Variants in KIAA1614 observed in about 807,000 individuals in gnomAD.
The protein encoded by KIAA1614 is KIAA1614.
A neutral mutation model predicts 88.7 loss-of-function variants in KIAA1614; 76 were observed. That is an observed-to-expected ratio of 0.86 (90% CI 0.71 to 1.04). The LOEUF (loss-of-function observed/expected upper bound fraction) is 1.04. Among genes scored for constraint, KIAA1614 ranks in the 50% least tolerant of loss-of-function variants. The pLI is 0.00. For missense variants in KIAA1614, 1,553 were observed against 1,582.5 expected (o/e 0.98, Z 0.32); for synonymous variants, 714 against 675.5 (o/e 1.06, Z -0.88).
At chr1:180,940,622 T>C (rs1402566628) in intron 6 of KIAA1614, among the ~76,000 whole-genome samples, 1 of 152,004 alleles carries the variant, frequency 6.6e-6, no homozygotes, top group African/African-American at 2.4e-5. Flanking sequence ...TCTGGCAGTC[T>C]TTTTTTTCTT....
chr1:180,938,467 TC>T, intron 5 of KIAA1614, 87 bp from the exon 6 acceptor site: 2 of 1,418,546 alleles, frequency 1.4e-6, no homozygotes, highest in South Asian at 2.6e-5. Context: ...CTTCTCACCC[TC>T]CCCCTGTTGC....
intron 7 of KIAA1614, 25 bp from the exon 8 acceptor site, chr1:180,944,364 C>T (rs759079672): frequency 2.9e-5 from 46 of 1,608,910 alleles, no homozygotes; most frequent in Non-Finnish European, 3.5e-5. Flanking sequence ...TTTTCTCACC[C>T]GCAATATTGT....
In KIAA1614 at chr1:180,935,997, G is replaced by A. The variant is rs376112299; in HGVS notation, c.2088G>A (p.Thr696=). 11 of 1,613,982 alleles carry A rather than the reference G, an allele frequency of 6.8e-6. No individual in the cohort carries two copies. Among genetic ancestry groups the A allele is most frequent in the Admixed American group, 5.0e-5 (3 of 60,016 alleles). The change falls in exon 5 of 9, where the codon ACG becomes ACA. Residue 696 remains threonine, a synonymous_variant. Transcript: ENST00000367588. The surrounding 1 kb of genome is among the most constrained non-coding windows in gnomAD (Gnocchi z 6.1). ...ENEVKEGRGH[T]PEGTLFLRED... ...AGGTGAAAGAGGGCAGAGGACACAC[G>A]CCTGAAGGAACTCTATTTTTGAGAG...
intron 3 of KIAA1614, among the ~76,000 whole-genome samples, chr1:180,926,996 T>C (rs1654084052): frequency 1.3e-5 from 2 of 151,942 alleles, no homozygotes; most frequent in Admixed American, 6.5e-5. Context: ...CTCCTCCTGC[T>C]CCCCAGCAGC....
intron 3 of KIAA1614, among the ~76,000 whole-genome samples, chr1:180,921,220 G>GA (rs368957229): frequency 6.8e-4 from 104 of 151,866 alleles, no homozygotes; most frequent in African/African-American, 2.3e-3. Flanking sequence ...GGCAGGGGCG[G>GA]GGGGTCACAA....
intron 4 of KIAA1614, among the ~76,000 whole-genome samples, chr1:180,932,589 C>T (rs919989999): frequency 2.0e-5 from 3 of 152,124 alleles, no homozygotes; most frequent in African/African-American, 7.2e-5. Context: ...AATGTGAGTT[C>T]CAGAAAACAG....
At chr1:180,929,943 T>A (rs1654156399) in intron 4 of KIAA1614, among the ~76,000 whole-genome samples, 1 of 152,148 alleles carries the variant, frequency 6.6e-6, no homozygotes, top group Non-Finnish European at 1.5e-5. Context: ...GAACTGCTCA[T>A]TAAAGGCTAA....
At chr1:180,944,261 G>T in intron 7 of KIAA1614, 128 bp from the exon 8 acceptor site, 1 of 904,550 alleles carries the variant, frequency 1.1e-6, no homozygotes, top group East Asian at 2.7e-5. Flanking sequence ...TTGAATTCTT[G>T]GAAGCAATGA....
chr1:180,938,250 A>C (rs963647063), intron 5 of KIAA1614, among the ~76,000 whole-genome samples: 1 of 152,220 alleles, frequency 6.6e-6, no homozygotes, highest in Admixed American at 6.5e-5. Flanking sequence ...TTTAACAAAC[A>C]GTGATCATCT....
rs754563420 is a variant in KIAA1614 at position 180,935,232 on chromosome 1, G to A, written c.1323G>A (p.Pro441=). ...GAGAGTCCAGCGGTGGGCACAGGCC[G>A]AGGCGGGGCCCCTCGCCGTCGCACG... ...SSGESSGGHR[P]RRGPSPSHVR... The change falls in exon 5 of 9, where the codon CCG becomes CCA. Residue 441 remains proline, a synonymous_variant. Transcript: ENST00000367588. The surrounding 1 kb of genome is among the most constrained non-coding windows in gnomAD (Gnocchi z 6.1). 1.2e-5 allele frequency: 18 copies of A among 1,533,794 alleles called. No individual in the cohort carries two copies. The African/African-American group carries it at 1.3e-4, about 11-fold the overall frequency.
rs750064062 is a variant in KIAA1614 at position 180,936,165 on chromosome 1, C to T, written c.2256C>T (p.Pro752=). 1 of 1,614,184 alleles carries T rather than the reference C, an allele frequency of 6.2e-7. No homozygotes were observed. The change falls in exon 5 of 9, where the codon CCC becomes CCT. Residue 752 remains proline (P), a synonymous_variant. Coordinates refer to ENST00000367588, the MANE Select transcript of KIAA1614 (RefSeq NM_020950.2). The part of the protein sequence containing the change: ...PCRTAYATTA[P]MTPESSGPGG... ...GGACAGCCTATGCCACCACCGCCCC[C>T]ATGACGCCTGAATCATCGGGGCCAG...
chr1:180,939,378 C>G (rs1238862594), intron 6 of KIAA1614, among the ~76,000 whole-genome samples: 1 of 152,194 alleles, frequency 6.6e-6, no homozygotes, highest in Admixed American at 6.5e-5. Context: ...GTCTGATGGG[C>G]CTCTCAAACA....
rs1195538716 is a variant in KIAA1614 at position 180,941,291 on chromosome 1, T to C, written c.3159+6T>C. ...CGTTACAATCCCTGCACCCGGTGAG[T>C]CCAGGGGCCCCAGCCCAGGGAGTGA... On this transcript the variant is annotated splice_donor_region_variant and intron_variant, in intron 7 of 8. Coordinates refer to ENST00000367588, the MANE Select transcript of KIAA1614 (RefSeq NM_020950.2). The C allele has an allele frequency of 1.9e-6, 3 of 1,598,122 alleles. No individual in the cohort carries two copies. The highest frequency in any genetic ancestry group is 2.6e-6 in the Non-Finnish European group (3 of 1,169,226).
chr1:180,930,279 C>T lies in KIAA1614; in HGVS notation c.1205+1706C>T, dbSNP rs868788634. Among the ~76,000 whole-genome samples, 12 of 152,140 alleles carry T rather than the reference C, an allele frequency of 7.9e-5. No individual in the cohort carries two copies. In the Middle Eastern group the frequency reaches 0.01, roughly 129 times the overall value. On this transcript the variant is annotated intron_variant, in intron 4 of 8. Coordinates refer to ENST00000367588, the MANE Select transcript of KIAA1614 (RefSeq NM_020950.2). ...CTAAAGATACAAAAAATTAGCTGGG[C>T]GTGGTGGCGGGCACCTGTAGTCCCA...
At chr1:180,928,168 C>G (rs1230844458) in intron 3 of KIAA1614, 1 of 389,282 alleles carries the variant, frequency 2.6e-6, no homozygotes, top group African/African-American at 2.1e-5. Flanking sequence ...AGGTCTCTGC[C>G]TCCAGTGCCT....
At chr1:180,915,393 G>T (rs950554832) in intron 1 of KIAA1614, among the ~76,000 whole-genome samples, 1 of 152,168 alleles carries the variant, frequency 6.6e-6, no homozygotes, top group African/African-American at 2.4e-5. Flanking sequence ...GTTAGCAGAT[G>T]CGGGCATCCT....
chr1:180,937,171 G>A (rs1400090574), intron 5 of KIAA1614, among the ~76,000 whole-genome samples: 1 of 152,222 alleles, frequency 6.6e-6, no homozygotes, highest in Non-Finnish European at 1.5e-5. Flanking sequence ...CATTCCTTCC[G>A]CATTGGCTGA....
intron 6 of KIAA1614, 151 bp downstream of exon 6, chr1:180,938,862 T>A: frequency 1.5e-6 from 1 of 658,036 alleles, no homozygotes; most frequent in Admixed American, 2.9e-5. Context: ...CTGGCAGCCC[T>A]CCCACTCCTC....
chr1:180,950,604 C>T lies in KIAA1614; in HGVS notation c.*5016C>T, dbSNP rs919810833. The T allele has an allele frequency of 4.6e-6, 4 of 874,964 alleles. No homozygotes were observed. The highest frequency in any genetic ancestry group is 5.7e-6 in the Non-Finnish European group (4 of 702,156). The allele number at this position is 874,964 out of a possible 1,614,324, so 54.2% of individuals were successfully genotyped here. A position where few individuals can be genotyped will look rare whatever the true frequency, so the allele number is the denominator to read the frequency against. On this transcript the variant is annotated 3_prime_UTR_variant, in exon 9 of 9. Coordinates refer to ENST00000367588, the MANE Select transcript of KIAA1614 (RefSeq NM_020950.2). Reference sequence around the variant, plus strand: ...AAGCACTCAGGGTGGTTGGCAGGAACGTGCTGCACAGAGCTGCTCTGTGGC... The same window carrying T: ...AAGCACTCAGGGTGGTTGGCAGGAATGTGCTGCACAGAGCTGCTCTGTGGC...
Sources: gnomAD v4.1 joint callset for allele counts (sites outside exome capture counted in the v4.1 genomes callset) on GRCh38, gnomAD v4.1.1 for gene constraint, Gnocchi (gnomAD v3.1) non-coding constraint, MANE v1.5 for transcripts, NCBI Gene and HGNC (gene_info 2026-07-23, HGNC 2026-07-21) for gene names.